VSX2: variants seen among roughly 807,000 people sequenced by gnomAD.
VSX2 encodes visual system homeobox 2, also known as ceh-10 homeo domain containing homolog.
VSX2 carries 28 observed loss-of-function variants against 32.1 expected under a neutral mutation model. The ratio of observed to expected loss-of-function variants is 0.87; its 90% CI spans 0.65 to 1.20. The LOEUF is 1.20. VSX2 is among the 50% of genes most tolerant of loss of function. VSX2 has a pLI of 0.00. For synonymous variants in VSX2, 243 were observed against 214.1 expected (o/e 1.14, Z -1.18); for missense variants, 506 against 488.7 (o/e 1.04, Z -0.33).
chr14:74,245,088 G>A (rs1159203895), intron 2 of VSX2, 77 bp from the exon 3 acceptor site: 1 of 1,600,680 alleles, frequency 6.2e-7, no homozygotes, highest in Non-Finnish European at 8.5e-7. Context: ...GAGACACAGA[G>A]GAAGGCGGTT....
chr14:74,239,616 A>G lies in VSX2; in HGVS notation c.55A>G (p.Lys19Glu). Residue 19 changes from lysine (K) to glutamate (E), a missense_variant, in exon 1 of 5, where the codon AAG (lysine) becomes GAG (glutamate). Physicochemically the swap from Lys to Glu is moderately conservative, Grantham distance 56 (BLOSUM62 1). Transcript: ENST00000261980. The part of the protein sequence containing the change: ...LSKPKSETVA[K>E]STSGGAPARC... ...CAAGCCCAAATCCGAGACAGTGGCC[A>G]AGAGTACCTCGGGGGGCGCCCCGGC... 1.9e-6 allele frequency: 3 copies of G among 1,551,344 alleles called. No individual in the cohort carries two copies. Among genetic ancestry groups the G allele is most frequent in the Non-Finnish European group, 2.6e-6 (3 of 1,146,986 alleles).
Position 74,239,587 on chromosome 14 carries a change from T to G in VSX2, c.26T>G (p.Leu9Arg), listed in dbSNP as rs1211083322. 15 of 1,551,090 alleles carry G rather than the reference T, an allele frequency of 9.7e-6. 1 individual carries two copies. The Middle Eastern group carries it at 1.2e-3, about 121-fold the overall frequency. Residue 9 changes from leucine (L) to arginine (R), a missense_variant, in exon 1 of 5, where the codon CTG (leucine) becomes CGG (arginine). Leu to Arg is a moderately radical substitution (Grantham distance 102). Coordinates refer to ENST00000261980, the MANE Select transcript of VSX2 (RefSeq NM_182894.3). MTGKAGEA[L>R]SKPKSETVAK... ...ATGACGGGGAAAGCAGGGGAAGCGC[T>G]GAGCAAGCCCAAATCCGAGACAGTG...
At position 74,244,919 on chromosome 14, in the gene VSX2, T is replaced by A. The variant is rs867747360; in HGVS notation, c.456-246T>A. On this transcript the variant is annotated intron_variant, in intron 2 of 4. Transcript: ENST00000261980. ...GTGTGTGTGTGTGTGTGTGTGTGTG[T>A]GTGTGTGTGTGAAAGAGAGAGAGAA... Among the ~76,000 whole-genome samples, 1,904 of 40,802 alleles carry A rather than the reference T, an allele frequency of 0.047. 127 individuals carry two copies. Among genetic ancestry groups the A allele is most frequent in the Admixed American group, 0.19 (654 of 3,476 alleles). The allele number at this position is 40,802 out of a possible 152,430, so 26.8% of individuals were successfully genotyped here.
intron 4 of VSX2, among the ~76,000 whole-genome samples, chr14:74,260,059 G>A (rs911748136): frequency 6.6e-6 from 1 of 152,146 alleles, no homozygotes; most frequent in Non-Finnish European, 1.5e-5. Context: ...TGTGGCTGTT[G>A]GCCTGGGGTC....
intron 3 of VSX2, among the ~76,000 whole-genome samples, chr14:74,253,599 C>G (rs980734114): frequency 2.0e-5 from 3 of 152,172 alleles, no homozygotes; most frequent in African/African-American, 4.8e-5. Context: ...GAGGTGGTGT[C>G]ACAGGGCAGG....
rs903046339 is a variant in VSX2 at position 74,261,225 on chromosome 14, C to T, written c.*306C>T. The stretch of plus-strand genomic sequence containing the variant: ...TGCAACGCTCACTGGTTTTGGCCAC[C>T]CCTTGCTCTCTGTTCTCTTGCTTTA... On this transcript the variant is annotated 3_prime_UTR_variant, in exon 5 of 5. Transcript: ENST00000261980. 5 of 437,402 alleles carry T rather than the reference C, an allele frequency of 1.1e-5. No individual in the cohort carries two copies. The highest frequency in any genetic ancestry group is 2.1e-5 in the Non-Finnish European group (5 of 240,732). 27.1% of individuals were successfully genotyped at this position (437,402 alleles called of 1,614,324 possible).
chr14:74,253,190 T>G (rs1327964397), intron 3 of VSX2, among the ~76,000 whole-genome samples: 1 of 152,136 alleles, frequency 6.6e-6, no homozygotes, highest in Admixed American at 6.5e-5. Flanking sequence ...CCTGGCACCC[T>G]GACTGAAGTA....
Position 74,239,816 on chromosome 14 carries a change from T to C in VSX2, c.255T>C (p.Pro85=), listed in dbSNP as rs1392025778. The change falls in exon 1 of 5, where the codon CCT becomes CCC. Residue 85 remains proline, a synonymous_variant. Transcript: ENST00000261980. ...GMGLLGPGGL[P]GFYTQPTFLE... ...GGCTTCTGGGGCCCGGGGGGCTCCC[T>C]GGCTTCTACACGCAGCCCACCTTCC... 1 of 1,573,188 alleles carries C rather than the reference T, an allele frequency of 6.4e-7. No individual in the cohort carries two copies. The highest frequency in any genetic ancestry group is 1.9e-5 in the Admixed American group (1 of 53,830).
rs2079136214 is a variant in VSX2, at chr14:74,239,752, C to T, written c.191C>T (p.Ala64Val). The change falls in exon 1 of 5, where the codon GCG becomes GTG. Residue 64 changes from alanine (A) to valine (V), a missense_variant. By Grantham distance (64) the Ala-to-Val change is moderately conservative. Coordinates refer to ENST00000261980, the MANE Select transcript of VSX2 (RefSeq NM_182894.3). The stretch of plus-strand genomic sequence containing the variant: ...CTGGCCCCCGGGCACTTGCTGGCGG[C>T]GCGCTCAGTGCTCAGCCCCGCGGGG... Reference protein sequence around the residue: ...DGLAPGHLLAARSVLSPAGVG... With the variant: ...DGLAPGHLLAVRSVLSPAGVG... The T allele has an allele frequency of 1.3e-6, 2 of 1,550,314 alleles. No homozygotes were observed. Among genetic ancestry groups the T allele is most frequent in the East Asian group, 2.4e-5 (1 of 41,278 alleles).
At position 74,239,603 on chromosome 14, in the gene VSX2, C is replaced by T. The variant is rs1228326703; in HGVS notation, c.42C>T (p.Ser14=). ...KAGEALSKPK[S]ETVAKSTSGG... The stretch of plus-strand genomic sequence containing the variant: ...GGGAAGCGCTGAGCAAGCCCAAATC[C>T]GAGACAGTGGCCAAGAGTACCTCGG... Residue 14 remains serine (S), a synonymous_variant, in exon 1 of 5, where the codon TCC becomes TCT. Transcript: ENST00000261980. The T allele has an allele frequency of 6.4e-7, 1 of 1,551,360 alleles. No individual in the cohort carries two copies. Among genetic ancestry groups the T allele is most frequent in the Admixed American group, 2.0e-5 (1 of 51,008 alleles).
rs537753574 is a variant in VSX2, at chr14:74,254,784, A to ATTTTTTTTT, written c.580-4813_580-4805dup. ...ATCCTCCAAAAACCCCGAAAAGTGG[A>ATTTTTTTTT]TTTTTTTTTTTTTGAGACGCAGTCT... On this transcript the variant is annotated intron_variant, in intron 3 of 4. Transcript: ENST00000261980. Among the ~76,000 whole-genome samples, 119 of 116,640 alleles carry ATTTTTTTTT rather than the reference A, an allele frequency of 1.0e-3. 19 individuals are homozygous for ATTTTTTTTT. The highest frequency in any genetic ancestry group is 5.6e-3 in the East Asian group (15 of 2,696). The allele number at this position is 116,640 out of a possible 152,430, so 76.5% of individuals were successfully genotyped here. A position where few individuals can be genotyped will look rare whatever the true frequency, so the allele number is the denominator to read the frequency against.
Position 74,241,169 on chromosome 14 carries a change from G to A in VSX2, c.371-13G>A. 1 of 1,612,566 alleles carries A rather than the reference G, an allele frequency of 6.2e-7. No homozygotes were observed. The highest frequency in any genetic ancestry group is 1.3e-5 in the African/African-American group (1 of 75,044). Reference sequence around the variant, plus strand: ...CCCCCACTCTGCCGCATGTCCCTACGCCCGCTTTTCAGATTCTGAAGATGT... The same window carrying A: ...CCCCCACTCTGCCGCATGTCCCTACACCCGCTTTTCAGATTCTGAAGATGT... On this transcript the variant is annotated splice_polypyrimidine_tract_variant and intron_variant, in intron 1 of 4. Transcript: ENST00000261980.
chr14:74,244,490 G>A (rs1677806809), intron 2 of VSX2, among the ~76,000 whole-genome samples: 1 of 152,140 alleles, frequency 6.6e-6, no homozygotes, highest in African/African-American at 2.4e-5. Flanking sequence ...GAGGGAGTGG[G>A]AGATTCAGTT....
At chr14:74,241,315 C>T (rs768179749) in intron 2 of VSX2, 49 bp downstream of exon 2, 6 of 1,584,126 alleles carry the variant, frequency 3.8e-6, no homozygotes, top group Non-Finnish European at 5.2e-6. Flanking sequence ...ACCCCGCTGC[C>T]GTCCCCCGTT....
At position 74,243,077 on chromosome 14, in the gene VSX2, C is replaced by T. The variant is rs556042381; in HGVS notation, c.455+1811C>T. On this transcript the variant is annotated intron_variant, in intron 2 of 4. Coordinates refer to ENST00000261980, the MANE Select transcript of VSX2 (RefSeq NM_182894.3). ...GTTATTGGAGAGAGGAGAATGGCTA[C>T]GGATTTCAAGTGCTTGTTTTAATTA... 1.4e-4 allele frequency among the ~76,000 whole-genome samples: 21 copies of T among 152,208 alleles called. No individual in the cohort carries two copies. The South Asian group carries it at 2.1e-3, about 15-fold the overall frequency.
intron 3 of VSX2, among the ~76,000 whole-genome samples, chr14:74,259,125 C>T (rs2079286299): frequency 6.6e-6 from 1 of 152,158 alleles, no homozygotes. Flanking sequence ...GTCCCTGATC[C>T]CTCACTCACC....
At chr14:74,241,673 G>T (rs138693549) in intron 2 of VSX2, among the ~76,000 whole-genome samples, 4 of 152,170 alleles carry the variant, frequency 2.6e-5, no homozygotes, top group Non-Finnish European at 5.9e-5. Context: ...CTCAACCGCC[G>T]CCCCCATTTC....
intron 2 of VSX2, among the ~76,000 whole-genome samples, chr14:74,244,883 TGTGTGTGTG>T (rs1207234117): frequency 8.4e-5 from 2 of 23,822 alleles, no homozygotes; most frequent in African/African-American, 3.1e-4. Flanking sequence ...AGAGAGAAAG[TGTGTGTGTG>T]TGTGTGTGTG....
intron 3 of VSX2, among the ~76,000 whole-genome samples, chr14:74,254,556 C>T (rs1272380185): frequency 2.0e-5 from 3 of 152,216 alleles, no homozygotes; most frequent in African/African-American, 7.2e-5. Context: ...TTCTTCCCCT[C>T]CTCCTGGACT....
Sources: gnomAD v4.1 joint callset for allele counts (sites outside exome capture counted in the v4.1 genomes callset) on GRCh38, gnomAD v4.1.1 for gene constraint, MANE v1.5 for transcripts, NCBI Gene and HGNC (gene_info 2026-07-23, HGNC 2026-07-21) for gene names.